DACH2: variants seen among roughly 807,000 people sequenced by gnomAD.
The protein encoded by DACH2 is dachshund homolog 2.
Under a neutral mutation model 35.8 loss-of-function variants are expected in DACH2, and 17 were observed. That is an observed-to-expected ratio of 0.48 (90% CI 0.33 to 0.71). The LOEUF (loss-of-function observed/expected upper bound fraction) is 0.71. Among genes scored for constraint, DACH2 ranks in the 30% least tolerant of loss-of-function variants. The pLI, the probability that DACH2 is intolerant of heterozygous loss-of-function variation, is 0.02. For synonymous variants in DACH2, 195 were observed against 177.3 expected (o/e 1.10, Z -0.79); for missense variants, 469 against 472.7 (o/e 0.99, Z 0.07).
intron 1 of DACH2, among the ~76,000 whole-genome samples, chrX:86,274,952 T>G (rs769462544): frequency 8.9e-6 from 1 of 111,818 alleles, no homozygotes; most frequent in Non-Finnish European, 1.9e-5. Context: ...ACAAAAGGAT[T>G]TGAAGCTTGA....
chrX:86,183,438 G>C (rs2031566681), intron 1 of DACH2, among the ~76,000 whole-genome samples: 1 of 111,971 alleles, frequency 8.9e-6, no homozygotes, highest in Non-Finnish European at 1.9e-5. Flanking sequence ...ATAATCATGT[G>C]GTTTTTGTCA....
At chrX:86,365,766 G>T (rs895053753) in intron 1 of DACH2, among the ~76,000 whole-genome samples, 8 of 111,057 alleles carry the variant, frequency 7.2e-5, no homozygotes, top group East Asian at 2.9e-4. Context: ...TATAATGTTT[G>T]CACTTTTCTT....
At chrX:86,605,742 A>T (rs1270719546) in intron 3 of DACH2, among the ~76,000 whole-genome samples, 4 of 108,703 alleles carry the variant, frequency 3.7e-5, no homozygotes, top group African/African-American at 1.3e-4. Context: ...CAGTTCTTGG[A>T]TGCTTTTTTT....
At chrX:86,243,933 T>A (rs112951259) in intron 1 of DACH2, among the ~76,000 whole-genome samples, 2,009 of 111,671 alleles carry the variant, frequency 0.018, 46 homozygotes, top group African/African-American at 0.062. Context: ...CAGTATTTTA[T>A]AGCATTATAT....
chrX:86,350,903 T>G (rs1195917966), intron 1 of DACH2, among the ~76,000 whole-genome samples: 3 of 28,967 alleles, frequency 1.0e-4, no homozygotes. Context: ...TTTCCAATTC[T>G]GTGAAGAAAG....
chrX:86,764,894 T>A (rs2041916607), intron 7 of DACH2, among the ~76,000 whole-genome samples: 1 of 112,235 alleles, frequency 8.9e-6, no homozygotes, highest in Non-Finnish European at 1.9e-5. Flanking sequence ...AAACATATGT[T>A]GTTTTTCTAC....
At chrX:86,531,442 C>T (rs1294141142) in intron 3 of DACH2, among the ~76,000 whole-genome samples, 4 of 111,724 alleles carry the variant, frequency 3.6e-5, no homozygotes, top group Admixed American at 9.5e-5. Context: ...GGATTTGGTG[C>T]CCTGTGTCCA....
intron 3 of DACH2, among the ~76,000 whole-genome samples, chrX:86,614,364 T>A (rs1351069842): frequency 3.6e-5 from 4 of 111,696 alleles, no homozygotes; most frequent in African/African-American, 1.3e-4. Context: ...ATTAAAATGA[T>A]CTTGAAGAAA....
chrX:86,313,955 T>C (rs907646895), intron 1 of DACH2, among the ~76,000 whole-genome samples: 1 of 111,882 alleles, frequency 8.9e-6, no homozygotes, highest in African/African-American at 3.2e-5. Context: ...TTACATCTGT[T>C]ATGGTGATCT....
chrX:86,190,933 A>G lies in DACH2; in HGVS notation c.488+41825A>G, dbSNP rs1253689809. ...CACTCCAGCCTGGGCAACAAGGGCA[A>G]AACTTCATCTCAAAAATAAATAAAT... On this transcript the variant is annotated intron_variant, in intron 1 of 11. Transcript: ENST00000373125. Among the ~76,000 whole-genome samples the G allele has an allele frequency of 5.4e-5, 6 of 111,641 alleles. No homozygotes were observed. The Admixed American group carries it at 5.7e-4, about 11-fold the overall frequency.
chrX:86,430,689 G>A (rs768071231), intron 2 of DACH2, among the ~76,000 whole-genome samples: 75 of 111,945 alleles, frequency 6.7e-4, no homozygotes, highest in Non-Finnish European at 1.2e-3. Flanking sequence ...GTCATTTTTG[G>A]TTGAGTGATT....
chrX:86,594,670 G>T lies in DACH2; in HGVS notation c.641-56366G>T, dbSNP rs186685612. On this transcript the variant is annotated intron_variant, in intron 3 of 11. Coordinates refer to ENST00000373125, the MANE Select transcript of DACH2 (RefSeq NM_053281.3). Reference sequence around the variant, plus strand: ...TGATTTCTAGTTTAATGTCATCAGAGCCTGGGAGCATTTTATAGCTTAGAT... The same window carrying T: ...TGATTTCTAGTTTAATGTCATCAGATCCTGGGAGCATTTTATAGCTTAGAT... Among the ~76,000 whole-genome samples the T allele has an allele frequency of 2.4e-3, 267 of 111,441 alleles. 1 individual carries two copies. The highest frequency in any genetic ancestry group is 4.2e-3 in the Non-Finnish European group (222 of 53,053).
chrX:86,202,485 C>T (rs183181966), intron 1 of DACH2, among the ~76,000 whole-genome samples: 1 of 111,425 alleles, frequency 9.0e-6, no homozygotes. Flanking sequence ...AGAGAAGAAC[C>T]AGGAGAAAGT....
intron 1 of DACH2, among the ~76,000 whole-genome samples, chrX:86,294,750 G>C (rs2034404556): frequency 9.1e-6 from 1 of 110,016 alleles, no homozygotes; most frequent in Non-Finnish European, 1.9e-5. Flanking sequence ...AGGGGTCAGG[G>C]ACCCACTTGA....
chrX:86,181,178 A>ATCTATCTATCTT (rs1249668476), intron 1 of DACH2, among the ~76,000 whole-genome samples: 1 of 108,936 alleles, frequency 9.2e-6, no homozygotes, highest in African/African-American at 3.4e-5. Flanking sequence ...CTATCTATCT[A>ATCTATCTATCTT]TCTATCTATC....
chrX:86,334,335 C>T (rs1436514452), intron 1 of DACH2, among the ~76,000 whole-genome samples: 1 of 112,167 alleles, frequency 8.9e-6, no homozygotes, highest in African/African-American at 3.2e-5. Flanking sequence ...AATTGCCACA[C>T]TGTCTTCCAT....
intron 1 of DACH2, among the ~76,000 whole-genome samples, chrX:86,308,853 G>A (rs1001640126): frequency 9.0e-6 from 1 of 111,320 alleles, no homozygotes; most frequent in African/African-American, 3.3e-5. Flanking sequence ...GGGGCTTATG[G>A]AGGTCAGGTA....
At chrX:86,691,767 G>C (rs1385984130) in intron 4 of DACH2, among the ~76,000 whole-genome samples, 1 of 111,703 alleles carries the variant, frequency 9.0e-6, no homozygotes, top group African/African-American at 3.3e-5. Flanking sequence ...AATTCTTGTT[G>C]TTTAAGCCAT....
intron 2 of DACH2, among the ~76,000 whole-genome samples, chrX:86,431,783 G>A (rs1282799332): frequency 8.9e-6 from 1 of 111,793 alleles, no homozygotes; most frequent in Non-Finnish European, 1.9e-5. Flanking sequence ...TGTACCACAA[G>A]TAGACAGTGG....
Sources: allele counts gnomAD v4.1 joint callset (sites outside exome capture counted in the v4.1 genomes callset), GRCh38; gene constraint gnomAD v4.1.1; transcripts MANE v1.5; gene names NCBI Gene and HGNC (gene_info 2026-07-23, HGNC 2026-07-21).